LINGO1: variants seen among roughly 807,000 people sequenced by gnomAD.
LINGO1 encodes leucine-rich repeat and immunoglobulin-like domain-containing nogo receptor-interacting protein 1.
In LINGO1, 11 loss-of-function variants were observed where a neutral mutation model predicts 37.3. The observed-to-expected ratio is 0.29, with a 90% CI of 0.19 to 0.49. The LOEUF (loss-of-function observed/expected upper bound fraction) is 0.49. Ranked by LOEUF, LINGO1 falls within the 20% of genes least tolerant of loss-of-function variation. The pLI is 0.99. For synonymous variants in LINGO1, 387 were observed against 403.0 expected, an observed-to-expected ratio of 0.96 and a Z score of 0.48; for missense variants, 585 against 878.2, an observed-to-expected ratio of 0.67 and a Z score of 4.22.
chr15:77,746,882 C>T (rs1293009045), intron 1 of LINGO1, among the ~76,000 whole-genome samples: 1 of 152,130 alleles, frequency 6.6e-6, no homozygotes, highest in African/African-American at 2.4e-5. Flanking sequence ...AGACCACCCC[C>T]CACTCCCAGG....
At chr15:77,633,587 C>T (rs1411640003), upstream of LINGO1, among the ~76,000 whole-genome samples, 1 of 152,180 alleles carries the variant, frequency 6.6e-6, no homozygotes, top group Non-Finnish European at 1.5e-5. Flanking sequence ...CCGGGGTCCC[C>T]GCCCAGCCTG....
intron 1 of LINGO1, among the ~76,000 whole-genome samples, chr15:77,813,653 G>C (rs571741183): frequency 6.6e-6 from 1 of 152,292 alleles, no homozygotes; most frequent in South Asian, 2.1e-4. Flanking sequence ...AATGATCATA[G>C]ATCATCAAAT....
upstream of LINGO1, among the ~76,000 whole-genome samples, chr15:77,790,308 G>T (rs1412671853): frequency 1.3e-5 from 2 of 152,198 alleles, no homozygotes; most frequent in African/African-American, 2.4e-5. Context: ...CACATAGTAG[G>T]TGCTTAGTAA....
At chr15:77,619,286 A>C (rs148576882) in intron 1 of LINGO1, among the ~76,000 whole-genome samples, 2,083 of 152,248 alleles carry the variant, frequency 0.014, 37 homozygotes, top group African/African-American at 0.042. Context: ...AAACATGCGC[A>C]TGAGTGAGTT....
chr15:77,700,730 G>A (rs2075771934), upstream of LINGO1, among the ~76,000 whole-genome samples: 1 of 152,168 alleles, frequency 6.6e-6, no homozygotes, highest in Non-Finnish European at 1.5e-5. Context: ...GGTGAGCAGG[G>A]GCGGGTAGGG....
chr15:77,714,849 C>T (rs573975370), intron 2 of LINGO1, among the ~76,000 whole-genome samples: 10 of 152,336 alleles, frequency 6.6e-5, no homozygotes, highest in African/African-American at 2.4e-4. Flanking sequence ...CCAGATGACT[C>T]GATGACATGA....
intron 2 of LINGO1, among the ~76,000 whole-genome samples, chr15:77,703,733 T>C (rs757333327): frequency 1.3e-5 from 2 of 152,080 alleles, no homozygotes; most frequent in Admixed American, 6.6e-5. Context: ...TATGGGACCC[T>C]ACAGACAGGC....
At chr15:77,690,137 T>C (rs1247664331) in intron 2 of LINGO1, among the ~76,000 whole-genome samples, 1 of 152,172 alleles carries the variant, frequency 6.6e-6, no homozygotes, top group Non-Finnish European at 1.5e-5. Context: ...GTCAGCAGGA[T>C]CCTAAGATTC....
At chr15:77,661,618 C>A (rs556750684) in intron 3 of LINGO1, among the ~76,000 whole-genome samples, 2 of 152,240 alleles carry the variant, frequency 1.3e-5, no homozygotes, top group South Asian at 4.1e-4. Flanking sequence ...GAAGGCAAGA[C>A]CTTCTCTGGC....
chr15:77,718,766 G>T (rs1046634086), intron 2 of LINGO1, among the ~76,000 whole-genome samples: 1 of 150,818 alleles, frequency 6.6e-6, no homozygotes, highest in South Asian at 2.1e-4. Flanking sequence ...CTCTGTGCCT[G>T]CCCCAGCCCC....
intron 1 of LINGO1, among the ~76,000 whole-genome samples, chr15:77,751,276 A>C (rs1413956532): frequency 6.6e-6 from 1 of 152,212 alleles, no homozygotes; most frequent in Non-Finnish European, 1.5e-5. Flanking sequence ...TAAGGGAATG[A>C]TCCTTGCAGG....
rs542246526 is a variant in LINGO1, at chr15:77,647,140, T to C, written c.-13+29949A>G. 2.3e-3 allele frequency among the ~76,000 whole-genome samples: 356 copies of C among 152,010 alleles called. 2 individuals are homozygous for C. The highest frequency in any genetic ancestry group is 8.2e-3 in the African/African-American group (339 of 41,444). On this transcript the variant is annotated intron_variant, in intron 3 of 3. Coordinates refer to the LINGO1 transcript ENST00000559893. ...GAGCTCTTTGGTCCACTTGCCTAGT[T>C]TACACGCACTCCCACTGAGGCTGGA... is the stretch of plus-strand genomic sequence containing the variant.
intron 1 of LINGO1, among the ~76,000 whole-genome samples, chr15:77,752,815 C>A (rs1000032442): frequency 1.4e-4 from 21 of 152,200 alleles, no homozygotes; most frequent in African/African-American, 5.1e-4. Flanking sequence ...CCTTCCCAGG[C>A]TCACTGCCAC....
chr15:77,644,834 C>T (rs898521691), intron 3 of LINGO1, among the ~76,000 whole-genome samples: 8 of 152,080 alleles, frequency 5.3e-5, no homozygotes, highest in Non-Finnish European at 1.0e-4. Flanking sequence ...GCCCTGGTGA[C>T]GAGCGGTTTA....
chr15:77,660,633 CCCA>C (rs2074969978), intron 3 of LINGO1, among the ~76,000 whole-genome samples: 1 of 152,210 alleles, frequency 6.6e-6, no homozygotes, highest in South Asian at 2.1e-4. Flanking sequence ...TCCTTAAACT[CCCA>C]CCAATTAGAA....
In LINGO1 at chr15:77,807,190, G is replaced by A. The variant is rs189005816; in HGVS notation, c.-457-11137C>T. ...TCCTGCAGCCTTCCCCGAGTACCCC[G>A]GCATGCCCTGCTCTGGGCTCCTCAT... On this transcript the variant is annotated intron_variant, in intron 1 of 5. Coordinates refer to the LINGO1 transcript ENST00000562933. Among the ~76,000 whole-genome samples the A allele has an allele frequency of 2.5e-3, 376 of 152,282 alleles. 3 individuals carry two copies. The highest frequency in any genetic ancestry group is 3.7e-3 in the Non-Finnish European group (250 of 68,030).
upstream of LINGO1, among the ~76,000 whole-genome samples, chr15:77,638,165 C>T (rs2074431428): frequency 1.3e-5 from 2 of 152,214 alleles, no homozygotes; most frequent in Admixed American, 6.5e-5. Context: ...CTGGCCCCCA[C>T]TCAGTGCTGC....
At chr15:77,734,508 A>G (rs2076184247) in intron 2 of LINGO1, among the ~76,000 whole-genome samples, 1 of 151,818 alleles carries the variant, frequency 6.6e-6, no homozygotes, top group Non-Finnish European at 1.5e-5. Flanking sequence ...TGCTTATCAC[A>G]GAGTACAACC....
chr15:77,721,079 C>G (rs1368057079), intron 2 of LINGO1, among the ~76,000 whole-genome samples: 2 of 152,116 alleles, frequency 1.3e-5, no homozygotes, highest in Non-Finnish European at 2.9e-5. Flanking sequence ...TCACCCCTAC[C>G]CACTCCCCAG....
Sources: gnomAD v4.1 joint callset for allele counts (sites outside exome capture counted in the v4.1 genomes callset) on GRCh38, gnomAD v4.1.1 for gene constraint, MANE v1.5 for transcripts, NCBI Gene and HGNC (gene_info 2026-07-23, HGNC 2026-07-21) for gene names.